ADAM32: variants seen among roughly 807,000 people sequenced by gnomAD.
The protein encoded by ADAM32 is disintegrin and metalloproteinase domain-containing protein 32.
A neutral mutation model predicts 114.9 loss-of-function variants in ADAM32; 89 were observed. The observed-to-expected ratio is 0.77, with a 90% CI of 0.65 to 0.92. ADAM32 has a LOEUF of 0.92. ADAM32 is among the 40% of genes least tolerant of loss of function. The pLI, the probability that ADAM32 is intolerant of heterozygous loss-of-function variation, is 0.00. For synonymous variants in ADAM32, 285 were observed against 307.5 expected (o/e 0.93, Z 0.77); for missense variants, 870 against 932.8 (o/e 0.93, Z 0.88).
At chr8:39,280,647 A>G (rs1461190026) in intron 22 of ADAM32, among the ~76,000 whole-genome samples, 3 of 152,192 alleles carry the variant, frequency 2.0e-5, no homozygotes, top group Non-Finnish European at 4.4e-5. Context: ...AAAGAATGCT[A>G]TTTATTTGCA....
intron 2 of ADAM32, among the ~76,000 whole-genome samples, chr8:39,133,644 C>G (rs1446776129): frequency 6.6e-6 from 1 of 152,136 alleles, no homozygotes; most frequent in Non-Finnish European, 1.5e-5. Context: ...CAGCCAGTTC[C>G]CAGGCTCCTG....
At chr8:39,160,852 T>A (rs1357480715) in intron 6 of ADAM32, 45 bp from the exon 7 acceptor site, 11 of 1,482,260 alleles carry the variant, frequency 7.4e-6, no homozygotes, top group Middle Eastern at 1.7e-4. Flanking sequence ...AGTAAAAAAA[T>A]TATGAAATTT....
chr8:39,269,199 C>T (rs1020044564), intron 19 of ADAM32, among the ~76,000 whole-genome samples: 1 of 152,192 alleles, frequency 6.6e-6, no homozygotes, highest in Admixed American at 6.5e-5. Context: ...ATCACCTCAA[C>T]TCAGAGAGAC....
At chr8:39,170,057 T>C (rs925366426) in intron 10 of ADAM32, 60 bp downstream of exon 10, 2 of 1,283,112 alleles carry the variant, frequency 1.6e-6, no homozygotes, top group African/African-American at 3.0e-5. Context: ...TTTGACATGA[T>C]AGTATATATT....
chr8:39,272,101 G>GAAAAAAAAAAAAAAAAAAAGAAA (rs1812769776), intron 20 of ADAM32, among the ~76,000 whole-genome samples: 1 of 65,810 alleles, frequency 1.5e-5, no homozygotes, highest in Admixed American at 1.8e-4. Flanking sequence ...GTGAGCTCCA[G>GAAAAAAAAAAAAAAAAAAAGAAA]AAAAAAAAAA....
Position 39,160,951 on chromosome 8 carries a change from G to A in ADAM32, c.580G>A (p.Val194Met), listed in dbSNP as rs201473947. 56 of 1,593,994 alleles carry A rather than the reference G, an allele frequency of 3.5e-5. No individual in the cohort carries two copies. Among genetic ancestry groups the A allele is most frequent in the Middle Eastern group, 1.7e-4 (1 of 6,030 alleles). The change falls in exon 7 of 25, where the codon GTG (valine) becomes ATG (methionine). Residue 194 changes from valine to methionine, a missense_variant. Coordinates refer to ENST00000379907, the MANE Select transcript of ADAM32 (RefSeq NM_145004.7). ...TCTTTATCTAGAAATGCATATTGTG[G>A]TGGACAAAACTTTGGTATGTGTTTT... The part of the protein sequence containing the change: ...FPLYLEMHIV[V>M]DKTLYDYWGS...
At chr8:39,149,976 A>G in intron 5 of ADAM32, 109 bp downstream of exon 5, 1 of 736,852 alleles carries the variant, frequency 1.4e-6, no homozygotes, top group Non-Finnish European at 2.1e-6. Flanking sequence ...CTATGTGGAG[A>G]TTATTTAATG....
intron 6 of ADAM32, among the ~76,000 whole-genome samples, chr8:39,151,870 C>T (rs957612173): frequency 6.6e-6 from 1 of 151,506 alleles, no homozygotes; most frequent in Non-Finnish European, 1.5e-5. Flanking sequence ...AAGAGACAGA[C>T]CATGCTGGTC....
chr8:39,207,477 A>G (rs1183221786), intron 11 of ADAM32, among the ~76,000 whole-genome samples: 1 of 152,216 alleles, frequency 6.6e-6, no homozygotes, highest in Non-Finnish European at 1.5e-5. Context: ...ATGTTTCAAC[A>G]TATGCATATA....
At chr8:39,282,600 A>G (rs983113353) in intron 23 of ADAM32, among the ~76,000 whole-genome samples, 4 of 152,194 alleles carry the variant, frequency 2.6e-5, no homozygotes, top group African/African-American at 7.2e-5. Context: ...TAAACTTAGT[A>G]AGCTAAGCAG....
chr8:39,194,283 G>A (rs1806806636), intron 11 of ADAM32, among the ~76,000 whole-genome samples: 1 of 152,132 alleles, frequency 6.6e-6, no homozygotes, highest in Admixed American at 6.5e-5. Flanking sequence ...GTTTTACGCT[G>A]ATGTCAGTGT....
At chr8:39,153,569 C>T (rs1039912501) in intron 6 of ADAM32, among the ~76,000 whole-genome samples, 2 of 152,162 alleles carry the variant, frequency 1.3e-5, no homozygotes, top group African/African-American at 4.8e-5. Flanking sequence ...TAGCCAGCAC[C>T]TCACCAGTGT....
At position 39,284,686 on chromosome 8, in the gene ADAM32, T is replaced by G; in HGVS notation, c.2358-107T>G. 9 of 1,235,268 alleles carry G rather than the reference T, an allele frequency of 7.3e-6. No individual in the cohort carries two copies. In the South Asian group the frequency reaches 1.2e-4, roughly 16 times the overall value. 76.5% of individuals were successfully genotyped at this position (1,235,268 alleles called of 1,614,324 possible). ...AAACATCCTTTCAATAATTCTTTTTTTCGTGCCACATGAATTTTCCACTTG... is the reference window on the plus strand; with the variant it reads ...AAACATCCTTTCAATAATTCTTTTTGTCGTGCCACATGAATTTTCCACTTG... On this transcript the variant is annotated intron_variant, in intron 24 of 24. Coordinates refer to ENST00000379907, the MANE Select transcript of ADAM32 (RefSeq NM_145004.7).
chr8:39,155,842 T>C (rs1804110861), intron 6 of ADAM32, among the ~76,000 whole-genome samples: 1 of 152,210 alleles, frequency 6.6e-6, no homozygotes, highest in African/African-American at 2.4e-5. Flanking sequence ...CTTTATGTAA[T>C]TTTGATTATT....
At chr8:39,179,865 T>C (rs1448671732) in intron 10 of ADAM32, among the ~76,000 whole-genome samples, 1 of 152,254 alleles carries the variant, frequency 6.6e-6, no homozygotes, top group Admixed American at 6.5e-5. Flanking sequence ...AGCTGGGGAC[T>C]GTAGCTGCCT....
intron 10 of ADAM32, among the ~76,000 whole-genome samples, chr8:39,177,940 ATT>A (rs575042318): frequency 5.6e-5 from 8 of 143,632 alleles, no homozygotes; most frequent in Non-Finnish European, 9.2e-5. Flanking sequence ...CTGCCTTAAC[ATT>A]TTTTTTTTTT....
At chr8:39,216,556 A>T (rs1808580440) in intron 12 of ADAM32, among the ~76,000 whole-genome samples, 2 of 143,356 alleles carry the variant, frequency 1.4e-5, no homozygotes, top group South Asian at 2.2e-4. Flanking sequence ...AGTAAAGGTG[A>T]TTTTCCTCTG....
At chr8:39,197,899 A>G (rs1807114168) in intron 11 of ADAM32, among the ~76,000 whole-genome samples, 2 of 152,186 alleles carry the variant, frequency 1.3e-5, no homozygotes, top group African/African-American at 4.8e-5. Flanking sequence ...TGATCTGTCC[A>G]ATGCTTCAAG....
intron 19 of ADAM32, among the ~76,000 whole-genome samples, chr8:39,262,794 C>T (rs1812122761): frequency 6.6e-6 from 1 of 152,084 alleles, no homozygotes; most frequent in Non-Finnish European, 1.5e-5. Flanking sequence ...CAATTTCCCC[C>T]TCCCATGTTC....
Sources: allele counts gnomAD v4.1 joint callset (sites outside exome capture counted in the v4.1 genomes callset), GRCh38; gene constraint gnomAD v4.1.1; transcripts MANE v1.5; gene names NCBI Gene and HGNC (gene_info 2026-07-23, HGNC 2026-07-21).